DSCC1: variants seen among roughly 807,000 people sequenced by gnomAD.
The protein encoded by DSCC1 is sister chromatid cohesion protein DCC1.
In DSCC1, 32 loss-of-function variants were observed where a neutral mutation model predicts 48.2. The ratio of observed to expected loss-of-function variants is 0.66; its 90% CI spans 0.50 to 0.89. The LOEUF is 0.89. DSCC1 is among the 40% of genes least tolerant of loss of function. DSCC1 has a pLI of 0.00. For missense variants in DSCC1, 421 were observed against 471.7 expected, an observed-to-expected ratio of 0.89 and a Z score of 1.00; for synonymous variants, 150 against 171.5, an observed-to-expected ratio of 0.87 and a Z score of 0.98.
At chr8:119,842,754 GA>G in intron 6 of DSCC1, 21 bp downstream of exon 6, 1 of 1,597,354 alleles carries the variant, frequency 6.3e-7, no homozygotes, top group East Asian at 2.2e-5. Context: ...AGAGTTAAAT[GA>G]GAATACTTTC....
chr8:119,855,749 T>A lies in DSCC1; in HGVS notation c.47A>T (p.Lys16Met). The A allele has an allele frequency of 1.3e-6, 2 of 1,579,370 alleles. No homozygotes were observed. Among genetic ancestry groups the A allele is most frequent in the South Asian group, 1.2e-5 (1 of 86,608 alleles). The stretch of plus-strand genomic sequence containing the variant: ...CGGCAGCAGCTCGGCCGCATTCAGC[T>A]TGGCGATCTGCAGCGTCGCATCCAC... Reference protein sequence around the residue: ...DEVDATLQIAKLNAAELLPAV... With the variant: ...DEVDATLQIAMLNAAELLPAV... Residue 16 changes from lysine to methionine, a missense_variant, in exon 1 of 9, where the codon AAG (lysine) becomes ATG (methionine). Coordinates refer to ENST00000313655, the MANE Select transcript of DSCC1 (RefSeq NM_024094.3).
chr8:119,842,740 T>C (rs1391696726), intron 6 of DSCC1, 36 bp downstream of exon 6: 7 of 1,571,308 alleles, frequency 4.5e-6, no homozygotes, highest in Non-Finnish European at 6.1e-6. Flanking sequence ...AGTTTTAACA[T>C]ATAAGAGTTA....
At chr8:119,847,364 AAAT>A (rs527995938) in intron 3 of DSCC1, among the ~76,000 whole-genome samples, 140 of 152,360 alleles carry the variant, frequency 9.2e-4, no homozygotes, top group Middle Eastern at 3.4e-3. Flanking sequence ...GACATCATCA[AAAT>A]AATAAACTTT....
chr8:119,850,043 T>A (rs1202986886), intron 3 of DSCC1, among the ~76,000 whole-genome samples: 1 of 152,114 alleles, frequency 6.6e-6, no homozygotes, highest in African/African-American at 2.4e-5. Flanking sequence ...AAACTATTAT[T>A]TCAAAGTTAA....
chr8:119,847,702 G>T (rs953387612), intron 3 of DSCC1, among the ~76,000 whole-genome samples: 8 of 130,274 alleles, frequency 6.1e-5, no homozygotes, highest in Non-Finnish European at 1.1e-4. Context: ...TTTCGCTCTT[G>T]TTGCCCAGGC....
chr8:119,845,740 G>T (rs1826846681), intron 4 of DSCC1, among the ~76,000 whole-genome samples: 1 of 151,812 alleles, frequency 6.6e-6, no homozygotes, highest in Non-Finnish European at 1.5e-5. Context: ...CCTGAGCTGA[G>T]AGGTTCAAGA....
intron 3 of DSCC1, among the ~76,000 whole-genome samples, chr8:119,848,461 G>T (rs534688651): frequency 6.6e-6 from 1 of 152,124 alleles, no homozygotes; most frequent in Non-Finnish European, 1.5e-5. Context: ...CAAAGAAACC[G>T]AATGGGCATT....
chr8:119,854,368 TA>T (rs1826986218), intron 1 of DSCC1, among the ~76,000 whole-genome samples: 3 of 152,238 alleles, frequency 2.0e-5, no homozygotes, highest in African/African-American at 7.2e-5. Context: ...GTAAAGCATT[TA>T]ATTCTCCTGT....
rs1826624418 is a variant in DSCC1, at chr8:119,834,151, C to G, written c.*742G>C. On this transcript the variant is annotated 3_prime_UTR_variant, in exon 9 of 9. Coordinates refer to ENST00000313655, the MANE Select transcript of DSCC1 (RefSeq NM_024094.3). Reference sequence around the variant, plus strand: ...CCTCGGCCTACCCCCTCCAACTGTCCTGGTGATGAGTTCATTAGCTAAGTT... The same window carrying G: ...CCTCGGCCTACCCCCTCCAACTGTCGTGGTGATGAGTTCATTAGCTAAGTT... 6.6e-6 allele frequency: 1 copy of G among 152,138 alleles called. No homozygotes were observed. Among genetic ancestry groups the G allele is most frequent in the African/African-American group, 2.4e-5 (1 of 41,432 alleles). 9.4% of individuals were successfully genotyped at this position (152,138 alleles called of 1,614,324 possible).
At chr8:119,842,489 C>G (rs1563944061) in intron 6 of DSCC1, among the ~76,000 whole-genome samples, 2 of 151,458 alleles carry the variant, frequency 1.3e-5, no homozygotes, top group South Asian at 2.1e-4. Flanking sequence ...CTCAGGTGAT[C>G]CTCCCACCTC....
chr8:119,850,590 A>C (rs1168482147), intron 2 of DSCC1, 74 bp from the exon 3 acceptor site: 2 of 1,318,460 alleles, frequency 1.5e-6, no homozygotes, highest in Non-Finnish European at 2.0e-6. Context: ...ACAACTAATC[A>C]ATCTGCCCCC....
At chr8:119,844,970 A>G (rs2131302047) in intron 4 of DSCC1, among the ~76,000 whole-genome samples, 1 of 152,342 alleles carries the variant, frequency 6.6e-6, no homozygotes, top group East Asian at 1.9e-4. Flanking sequence ...ACTCTGAGGT[A>G]CAATGTGGAT....
In DSCC1 at chr8:119,855,860, A is replaced by G. The variant is rs915456485; in HGVS notation, c.-65T>C. ...CTGCGGGCTTGGCGGGCAAGAAAGAAGTTCCCAAGCAGCCGGAAGGTAGGA... is the reference window on the plus strand; with the variant it reads ...CTGCGGGCTTGGCGGGCAAGAAAGAGGTTCCCAAGCAGCCGGAAGGTAGGA... On this transcript the variant is annotated 5_prime_UTR_variant, in exon 1 of 9. Coordinates refer to ENST00000313655, the MANE Select transcript of DSCC1 (RefSeq NM_024094.3). 2.1e-6 allele frequency: 3 copies of G among 1,404,190 alleles called. No homozygotes were observed. Among genetic ancestry groups the G allele is most frequent in the Non-Finnish European group, 2.8e-6 (3 of 1,078,544 alleles). The allele number at this position is 1,404,190 out of a possible 1,614,324, so 87.0% of individuals were successfully genotyped here. A position where few individuals can be genotyped will look rare whatever the true frequency, so the allele number is the denominator to read the frequency against.
rs915456485 is a variant in DSCC1, at chr8:119,855,860, A to C, written c.-65T>G. On this transcript the variant is annotated 5_prime_UTR_variant, in exon 1 of 9. Coordinates refer to ENST00000313655, the MANE Select transcript of DSCC1 (RefSeq NM_024094.3). Reference sequence around the variant, plus strand: ...CTGCGGGCTTGGCGGGCAAGAAAGAAGTTCCCAAGCAGCCGGAAGGTAGGA... The same window carrying C: ...CTGCGGGCTTGGCGGGCAAGAAAGACGTTCCCAAGCAGCCGGAAGGTAGGA... The C allele has an allele frequency of 9.3e-6, 13 of 1,404,190 alleles. No homozygotes were observed. The African/African-American group carries it at 2.0e-4, about 21-fold the overall frequency. The allele number at this position is 1,404,190 out of a possible 1,614,324, so 87.0% of individuals were successfully genotyped here. A position where few individuals can be genotyped will look rare whatever the true frequency, so the allele number is the denominator to read the frequency against.
chr8:119,855,839 G>C lies in DSCC1; in HGVS notation c.-44C>G. 1 of 1,414,954 alleles carries C rather than the reference G, an allele frequency of 7.1e-7. No homozygotes were observed. Among genetic ancestry groups the C allele is most frequent in the Non-Finnish European group, 9.2e-7 (1 of 1,084,208 alleles). 87.6% of individuals were successfully genotyped at this position (1,414,954 alleles called of 1,614,324 possible). ...AGTCCCGCCGCGCCCGGGTGGCTGC[G>C]GGCTTGGCGGGCAAGAAAGAAGTTC... is the stretch of plus-strand genomic sequence containing the variant. On this transcript the variant is annotated 5_prime_UTR_variant, in exon 1 of 9. Transcript: ENST00000313655.
chr8:119,837,760 G>T (rs1346247844), intron 8 of DSCC1, among the ~76,000 whole-genome samples: 2 of 152,196 alleles, frequency 1.3e-5, no homozygotes, highest in South Asian at 2.1e-4. Flanking sequence ...CCAGCCACAG[G>T]ATTCGAGCTG....
chr8:119,841,684 A>G, intron 7 of DSCC1, 110 bp downstream of exon 7: 1 of 1,221,102 alleles, frequency 8.2e-7, no homozygotes, highest in Non-Finnish European at 1.1e-6. Context: ...TGCACTCCTA[A>G]TGGGTGTCTA....
intron 3 of DSCC1, among the ~76,000 whole-genome samples, chr8:119,848,078 C>T (rs7831639): frequency 0.26 from 39,894 of 151,768 alleles, 5,906 homozygotes; most frequent in Middle Eastern, 0.39. Flanking sequence ...TGGACTCAAG[C>T]GATTTTCTCA....
intron 3 of DSCC1, among the ~76,000 whole-genome samples, chr8:119,850,164 G>C (rs928437946): frequency 4.6e-5 from 7 of 152,150 alleles, no homozygotes; most frequent in Non-Finnish European, 1.0e-4. Context: ...ATAGAAGAAA[G>C]AAGACTGACA....
Sources: allele counts gnomAD v4.1 joint callset (sites outside exome capture counted in the v4.1 genomes callset), GRCh38; gene constraint gnomAD v4.1.1; transcripts MANE v1.5; gene names NCBI Gene and HGNC (gene_info 2026-07-23, HGNC 2026-07-21).